The following KIRREL3 variants were observed in gnomAD, a reference collection of about 807,000 sequenced individuals.
The protein encoded by KIRREL3 is kin of IRRE-like protein 3.
In KIRREL3, 36 loss-of-function variants were observed where a neutral mutation model predicts 89.7. The ratio of observed to expected loss-of-function variants is 0.40; its 90% CI spans 0.31 to 0.53. KIRREL3 has a LOEUF of 0.53. Among genes scored for constraint, KIRREL3 ranks in the 20% least tolerant of loss-of-function variants. KIRREL3 has a pLI of 0.49. For missense variants in KIRREL3, 864 were observed against 1,056.6 expected (o/e 0.82, Z 2.53); for synonymous variants, 445 against 441.4 (o/e 1.01, Z -0.10).
intron 8 of KIRREL3, among the ~76,000 whole-genome samples, chr11:126,448,279 C>CAAAAAAAAA (rs55787866): frequency 5.2e-5 from 5 of 95,336 alleles, no homozygotes; most frequent in East Asian, 2.9e-4. Context: ...GAGACTGTCT[C>CAAAAAAAAA]AAAAAAAAAA....
rs1206320531 is a variant in KIRREL3 at position 126,635,903 on chromosome 11, C to T, written c.56-72991G>A. 6.6e-6 allele frequency among the ~76,000 whole-genome samples: 1 copy of T among 152,174 alleles called. No individual in the cohort carries two copies. On this transcript the variant is annotated intron_variant, in intron 1 of 16. Coordinates refer to ENST00000525144, the MANE Select transcript of KIRREL3 (RefSeq NM_032531.4). The surrounding 1 kb of genome is among the most constrained non-coding windows in gnomAD (Gnocchi z 4.0). ...TCATTCCCAATATGAAAATAACAAA[C>T]CATTCTAGGGAACAACTTGGTTATT... is the stretch of plus-strand genomic sequence containing the variant.
Position 126,719,455 on chromosome 11 carries a change from C to A in KIRREL3, c.56-156543G>T, listed in dbSNP as rs915732178. 4.6e-5 allele frequency among the ~76,000 whole-genome samples: 7 copies of A among 152,216 alleles called. No individual in the cohort carries two copies. Among genetic ancestry groups the A allele is most frequent in the Admixed American group, 3.9e-4 (6 of 15,290 alleles). ...CCTCAGGGCTTCTCCGAGCTGTCTA[C>A]ATTCACTGCCTAGGTGATCTTACTT... On this transcript the variant is annotated intron_variant, in intron 1 of 16. Transcript: ENST00000525144. This position sits in a 1 kb window ranked among gnomAD's most constrained non-coding sequence, Gnocchi z 4.7.
At chr11:126,582,542 C>T (rs1206927525) in intron 1 of KIRREL3, among the ~76,000 whole-genome samples, 5 of 152,204 alleles carry the variant, frequency 3.3e-5, no homozygotes, top group Admixed American at 6.5e-5. Flanking sequence ...CCATTTACCT[C>T]CCCAGTCTGA....
Position 126,776,122 on chromosome 11 carries a change from G to A in KIRREL3, c.56-213210C>T, listed in dbSNP as rs867788940. 1.3e-5 allele frequency among the ~76,000 whole-genome samples: 2 copies of A among 152,214 alleles called. No individual in the cohort carries two copies. Among genetic ancestry groups the A allele is most frequent in the Non-Finnish European group, 2.9e-5 (2 of 68,042 alleles). ...GACCTTCGCTGCAGGGGATCCCTGA[G>A]TTTCTGCCAGCTCTGCCGGGAGCCC... On this transcript the variant is annotated intron_variant, in intron 1 of 16. Coordinates refer to ENST00000525144, the MANE Select transcript of KIRREL3 (RefSeq NM_032531.4). This position sits in a 1 kb window ranked among gnomAD's most constrained non-coding sequence, Gnocchi z 4.7.
rs1019916066 is a variant in KIRREL3 at position 126,954,871 on chromosome 11, G to A, written c.55+45584C>T. Among the ~76,000 whole-genome samples, 5 of 152,160 alleles carry A rather than the reference G, an allele frequency of 3.3e-5. No homozygotes were observed. The highest frequency in any genetic ancestry group is 9.7e-5 in the African/African-American group (4 of 41,426). On this transcript the variant is annotated intron_variant, in intron 1 of 16. Transcript: ENST00000525144. The surrounding 1 kb of genome is among the most constrained non-coding windows in gnomAD (Gnocchi z 4.1). ...ATCATACGGCAAGCAGCAGCTCTTA[G>A]GTAATGAAAGCAGAAAGAAGACGCA...
In KIRREL3 at chr11:126,489,910, C is replaced by T. The variant is rs10893525; in HGVS notation, c.434-16444G>A. ...GCTGGGATCAGTCCGGGTTAAAATACGTGGGTCTCAGCTCAGATCTCCATC... is the reference window on the plus strand; with the variant it reads ...GCTGGGATCAGTCCGGGTTAAAATATGTGGGTCTCAGCTCAGATCTCCATC... On this transcript the variant is annotated intron_variant, in intron 4 of 16. Coordinates refer to ENST00000525144, the MANE Select transcript of KIRREL3 (RefSeq NM_032531.4). This position sits in a 1 kb window ranked among gnomAD's most constrained non-coding sequence, Gnocchi z 5.5. Among the ~76,000 whole-genome samples, 36,319 of 152,000 alleles carry T rather than the reference C, an allele frequency of 0.24. 4,582 individuals are homozygous for T. Among genetic ancestry groups the T allele is most frequent in the Admixed American group, 0.34 (5,174 of 15,272 alleles).
In KIRREL3 at chr11:126,803,824, G is replaced by A. The variant is rs528279316; in HGVS notation, c.55+196631C>T. Among the ~76,000 whole-genome samples, 4 of 152,254 alleles carry A rather than the reference G, an allele frequency of 2.6e-5. No homozygotes were observed. The South Asian group carries it at 8.3e-4, about 32-fold the overall frequency. On this transcript the variant is annotated intron_variant, in intron 1 of 16. Coordinates refer to ENST00000525144, the MANE Select transcript of KIRREL3 (RefSeq NM_032531.4). ...TAGCTATCAACTAGATACACTCAAG[G>A]GTAAGAGCTCCATAGGGACCTGGGA...
At position 126,677,798 on chromosome 11, in the gene KIRREL3, C is replaced by G. The variant is rs1946264908; in HGVS notation, c.56-114886G>C. 6.6e-6 allele frequency among the ~76,000 whole-genome samples: 1 copy of G among 152,126 alleles called. No homozygotes were observed. The highest frequency in any genetic ancestry group is 6.5e-5 in the Admixed American group (1 of 15,276). On this transcript the variant is annotated intron_variant, in intron 1 of 16. Transcript: ENST00000525144. The surrounding 1 kb of genome is among the most constrained non-coding windows in gnomAD (Gnocchi z 5.1). Reference sequence around the variant, plus strand: ...TTGTCCACTGGTTGGAGTGAGCCTCCCCCTTTTACTGCATCTCCACGAGGC... The same window carrying G: ...TTGTCCACTGGTTGGAGTGAGCCTCGCCCTTTTACTGCATCTCCACGAGGC...
rs1180950326 is a variant in KIRREL3, at chr11:126,808,476, G to T, written c.55+191979C>A. ...TAAGATAAAGGCAGTTTTTCATGGG[G>T]TCTGTTTTTTTCCCAGTGACCTCCT... On this transcript the variant is annotated intron_variant, in intron 1 of 16. Coordinates refer to ENST00000525144, the MANE Select transcript of KIRREL3 (RefSeq NM_032531.4). This position sits in a 1 kb window ranked among gnomAD's most constrained non-coding sequence, Gnocchi z 4.1. Among the ~76,000 whole-genome samples the T allele has an allele frequency of 6.6e-6, 1 of 152,130 alleles. No individual in the cohort carries two copies. Among genetic ancestry groups the T allele is most frequent in the Non-Finnish European group, 1.5e-5 (1 of 68,022 alleles).
At chr11:126,700,451 A>G (rs2135162308) in intron 1 of KIRREL3, among the ~76,000 whole-genome samples, 1 of 152,360 alleles carries the variant, frequency 6.6e-6, no homozygotes, top group South Asian at 2.1e-4. Flanking sequence ...ACTGTGTTCC[A>G]CATACAATTA....
chr11:126,933,394 CCTT>C (rs1948039730), intron 1 of KIRREL3, among the ~76,000 whole-genome samples: 1 of 151,784 alleles, frequency 6.6e-6, no homozygotes, highest in Admixed American at 6.6e-5. Context: ...AGCCCTTCCT[CCTT>C]CAAGTCATCA....
At position 126,566,726 on chromosome 11, in the gene KIRREL3, T is replaced by G. The variant is rs1318620944; in HGVS notation, c.56-3814A>C. 1.3e-5 allele frequency among the ~76,000 whole-genome samples: 2 copies of G among 152,236 alleles called. No homozygotes were observed. Among genetic ancestry groups the G allele is most frequent in the Non-Finnish European group, 2.9e-5 (2 of 68,034 alleles). ...GGTGCAGATGGGATGTTTTCTAGCC[T>G]TAGAATTCCTTCATTCTTACTAGTA... On this transcript the variant is annotated intron_variant, in intron 1 of 16. Coordinates refer to ENST00000525144, the MANE Select transcript of KIRREL3 (RefSeq NM_032531.4). This position sits in a 1 kb window ranked among gnomAD's most constrained non-coding sequence, Gnocchi z 4.9.
intron 4 of KIRREL3, among the ~76,000 whole-genome samples, chr11:126,504,286 T>C (rs1326498281): frequency 6.6e-6 from 1 of 152,162 alleles, no homozygotes; most frequent in Non-Finnish European, 1.5e-5. Context: ...GAGGCTCTTG[T>C]CTTCCCTTGT....
At chr11:126,478,573 G>T (rs1316026006) in intron 4 of KIRREL3, among the ~76,000 whole-genome samples, 1 of 151,802 alleles carries the variant, frequency 6.6e-6, no homozygotes, top group Non-Finnish European at 1.5e-5. Context: ...GTGTATATAT[G>T]TGTGTACACG....
rs1271157057 is a variant in KIRREL3, at chr11:126,696,420, T to G, written c.56-133508A>C. 6.6e-6 allele frequency among the ~76,000 whole-genome samples: 1 copy of G among 152,064 alleles called. No individual in the cohort carries two copies. Among genetic ancestry groups the G allele is most frequent in the Non-Finnish European group, 1.5e-5 (1 of 68,020 alleles). Reference sequence around the variant, plus strand: ...CTGTAACTTCCAAGTTACCCTTAACTCCTGCCTTTGCCCAATCCCCAGCCT... The same window carrying G: ...CTGTAACTTCCAAGTTACCCTTAACGCCTGCCTTTGCCCAATCCCCAGCCT... On this transcript the variant is annotated intron_variant, in intron 1 of 16. Transcript: ENST00000525144. This position sits in a 1 kb window ranked among gnomAD's most constrained non-coding sequence, Gnocchi z 4.4.
At chr11:126,662,129 A>G (rs1031137990) in intron 1 of KIRREL3, among the ~76,000 whole-genome samples, 7 of 152,234 alleles carry the variant, frequency 4.6e-5, no homozygotes, top group African/African-American at 1.7e-4. Context: ...CTACCTCATG[A>G]AAAGTGTGTC....
chr11:126,625,979 C>T (rs1193470318), intron 1 of KIRREL3, among the ~76,000 whole-genome samples: 9 of 152,178 alleles, frequency 5.9e-5, no homozygotes, highest in African/African-American at 2.2e-4. Flanking sequence ...CGGTTGGGGG[C>T]TGTGTCTTTG....
chr11:126,712,843 C>T (rs1947815682), intron 1 of KIRREL3, among the ~76,000 whole-genome samples: 1 of 152,230 alleles, frequency 6.6e-6, no homozygotes, highest in African/African-American at 2.4e-5. Flanking sequence ...CAGATCCCCG[C>T]ACCAGTCACT....
rs1424096804 is a variant in KIRREL3 at position 126,739,156 on chromosome 11, A to C, written c.56-176244T>G. On this transcript the variant is annotated intron_variant, in intron 1 of 16. Coordinates refer to ENST00000525144, the MANE Select transcript of KIRREL3 (RefSeq NM_032531.4). This position sits in a 1 kb window ranked among gnomAD's most constrained non-coding sequence, Gnocchi z 5.5. ...CTCCAATCCAGACTGTTCTGGCTCCAAAGCCAAACCCTTCCACCCGTTCCG... is the reference window on the plus strand; with the variant it reads ...CTCCAATCCAGACTGTTCTGGCTCCCAAGCCAAACCCTTCCACCCGTTCCG... Among the ~76,000 whole-genome samples the C allele has an allele frequency of 6.6e-6, 1 of 152,210 alleles. No individual in the cohort carries two copies. The highest frequency in any genetic ancestry group is 1.5e-5 in the Non-Finnish European group (1 of 68,040).
Sources: allele counts gnomAD v4.1 joint callset (sites outside exome capture counted in the v4.1 genomes callset), GRCh38; gene constraint gnomAD v4.1.1; non-coding constraint Gnocchi (gnomAD v3.1); transcripts MANE v1.5; gene names NCBI Gene and HGNC (gene_info 2026-07-23, HGNC 2026-07-21).